Variants in WDR59 observed in about 807,000 individuals in gnomAD.
The protein encoded by WDR59 is GATOR2 complex protein WDR59.
A neutral mutation model predicts 131.2 loss-of-function variants in WDR59; 100 were observed. The observed-to-expected ratio is 0.76, with a 90% CI of 0.65 to 0.90. WDR59 has a LOEUF of 0.90. WDR59 is among the 40% of genes least tolerant of loss of function. The pLI is 0.00. For synonymous variants in WDR59, 601 were observed against 466.2 expected, an observed-to-expected ratio of 1.29 and a Z score of -3.72; for missense variants, 1,203 against 1,262.2, an observed-to-expected ratio of 0.95 and a Z score of 0.71.
At chr16:74,900,099 G>C (rs546057960) in intron 18 of WDR59, among the ~76,000 whole-genome samples, 1 of 152,222 alleles carries the variant, frequency 6.6e-6, no homozygotes, top group Non-Finnish European at 1.5e-5. Context: ...AGATCATTGT[G>C]CAAGTGGAGA....
chr16:74,887,676 T>C lies in WDR59; in HGVS notation c.2419+7A>G, dbSNP rs774980727. On this transcript the variant is annotated splice_region_variant and intron_variant, in intron 23 of 25. Coordinates refer to ENST00000262144, the MANE Select transcript of WDR59 (RefSeq NM_030581.4). Reference sequence around the variant, plus strand: ...TCCAGCGTGGGCTAAGTCATTTCCATACAAACCTATGTTCCAGCCGCCAGT... The same window carrying C: ...TCCAGCGTGGGCTAAGTCATTTCCACACAAACCTATGTTCCAGCCGCCAGT... The C allele has an allele frequency of 2.3e-5, 37 of 1,613,912 alleles. No individual in the cohort carries two copies. The highest frequency in any genetic ancestry group is 1.4e-5 in the Non-Finnish European group (16 of 1,179,950).
intron 8 of WDR59, among the ~76,000 whole-genome samples, chr16:74,936,518 G>T (rs1363578219): frequency 6.6e-6 from 1 of 151,748 alleles, no homozygotes; most frequent in Non-Finnish European, 1.5e-5. Context: ...AAGCTGATTG[G>T]GGTACAGGGA....
chr16:74,885,527 A>C (rs1964712225), intron 25 of WDR59, 126 bp downstream of exon 25: 1 of 1,228,176 alleles, frequency 8.1e-7, no homozygotes, highest in Non-Finnish European at 1.1e-6. Context: ...AATAGACTCA[A>C]AATGCCTCAG....
At chr16:74,919,102 C>T (rs964599757) in intron 10 of WDR59, among the ~76,000 whole-genome samples, 17 of 152,120 alleles carry the variant, frequency 1.1e-4, no homozygotes, top group African/African-American at 3.4e-4. Flanking sequence ...CTCAACCCCT[C>T]GACCTGTGCC....
chr16:74,926,911 G>A (rs62061361), intron 8 of WDR59, among the ~76,000 whole-genome samples: 1 of 152,188 alleles, frequency 6.6e-6, no homozygotes, highest in Admixed American at 6.5e-5. Context: ...AAGCTGGAAT[G>A]CAAGGGAGAG....
intron 1 of WDR59, among the ~76,000 whole-genome samples, chr16:74,981,391 A>T (rs1194984009): frequency 6.7e-6 from 1 of 148,484 alleles, no homozygotes; most frequent in African/African-American, 2.5e-5. Flanking sequence ...AAAAACAAAA[A>T]AAACACACAC....
chr16:74,909,019 C>A, intron 16 of WDR59, 42 bp from the exon 17 acceptor site: 2 of 1,574,268 alleles, frequency 1.3e-6, no homozygotes, highest in Non-Finnish European at 1.7e-6. Flanking sequence ...TGTCAACAAG[C>A]TGGCCGTGGG....
At chr16:74,962,245 T>C (rs529872251) in intron 2 of WDR59, among the ~76,000 whole-genome samples, 78 of 152,184 alleles carry the variant, frequency 5.1e-4, no homozygotes, top group Non-Finnish European at 1.9e-4. Context: ...TTTGTTATTT[T>C]TGTTTAGGAT....
intron 18 of WDR59, among the ~76,000 whole-genome samples, chr16:74,896,365 C>A (rs983845379): frequency 6.6e-6 from 1 of 152,206 alleles, no homozygotes; most frequent in Non-Finnish European, 1.5e-5. Context: ...TGCAGTGGCT[C>A]ACACCTGTAA....
At chr16:74,884,476 G>A (rs1964659910) in intron 25 of WDR59, among the ~76,000 whole-genome samples, 1 of 152,218 alleles carries the variant, frequency 6.6e-6, no homozygotes, top group Non-Finnish European at 1.5e-5. Flanking sequence ...AGCCTCCTGA[G>A]TAGCTGGGAT....
intron 25 of WDR59, among the ~76,000 whole-genome samples, chr16:74,875,267 C>A (rs1964157804): frequency 6.6e-6 from 1 of 152,202 alleles, no homozygotes; most frequent in Non-Finnish European, 1.5e-5. Context: ...ACTCTGCTGG[C>A]AATAGTCCCC....
Position 74,874,001 on chromosome 16 carries a change from T to C in WDR59, c.*208A>G. On this transcript the variant is annotated 3_prime_UTR_variant, in exon 26 of 26. Coordinates refer to ENST00000262144, the MANE Select transcript of WDR59 (RefSeq NM_030581.4). ...GCGCAGCTCTGCACTTCTGTCCTTA[T>C]CTTCACACAGTGACATCCACACCAG... The C allele has an allele frequency of 1.7e-6, 1 of 582,480 alleles. No homozygotes were observed. Among genetic ancestry groups the C allele is most frequent in the Admixed American group, 3.0e-5 (1 of 33,148 alleles). 36.1% of individuals were successfully genotyped at this position (582,480 alleles called of 1,614,324 possible).
intron 3 of WDR59, among the ~76,000 whole-genome samples, chr16:74,954,168 G>C (rs531384168): frequency 1.3e-5 from 2 of 152,268 alleles, no homozygotes; most frequent in African/African-American, 4.8e-5. Context: ...AAGCACTTTG[G>C]GAGGCTGAGG....
intron 17 of WDR59, 166 bp from the exon 18 acceptor site, chr16:74,904,266 C>T: frequency 1.3e-6 from 1 of 748,544 alleles, no homozygotes; most frequent in Non-Finnish European, 2.1e-6. Context: ...GCTTTATCTG[C>T]ACAAGCATAG....
intron 14 of WDR59, among the ~76,000 whole-genome samples, chr16:74,910,440 G>C (rs762067625): frequency 2.0e-5 from 3 of 152,124 alleles, no homozygotes; most frequent in African/African-American, 4.8e-5. Context: ...CTTAATCAAG[G>C]CAGCACACGT....
At chr16:74,905,627 A>C (rs950415147) in intron 17 of WDR59, among the ~76,000 whole-genome samples, 87 of 151,950 alleles carry the variant, frequency 5.7e-4, no homozygotes, top group Admixed American at 2.9e-3. Flanking sequence ...GCTTGCAGTG[A>C]GCCAAGATTG....
chr16:74,878,985 C>G (rs530765337), intron 25 of WDR59, among the ~76,000 whole-genome samples: 1 of 152,310 alleles, frequency 6.6e-6, no homozygotes, highest in Admixed American at 6.5e-5. Context: ...AAAATAAAGC[C>G]TCTTTAGGCA....
At chr16:74,936,914 T>C (rs1320225813) in intron 8 of WDR59, among the ~76,000 whole-genome samples, 4 of 152,126 alleles carry the variant, frequency 2.6e-5, no homozygotes, top group Admixed American at 2.0e-4. Flanking sequence ...AAAAATAACT[T>C]ACAACCCTAA....
Position 74,915,877 on chromosome 16 carries a change from T to G in WDR59, c.1217A>C (p.Asn406Thr), listed in dbSNP as rs533919592. ...SLINVQIRNV[N>T]VEMDAADRSC... ...GTTGATTAAACTAAGTACCTCCACA[T>G]TGACATTCCGGATTTGCACATTGAT... Residue 406 changes from asparagine to threonine, a missense_variant, in exon 13 of 26, where the codon AAT (asparagine) becomes ACT (threonine). Physicochemically the swap from Asn to Thr is moderately conservative, Grantham distance 65 (BLOSUM62 0). Transcript: ENST00000262144. 2.0e-5 allele frequency: 33 copies of G among 1,614,104 alleles called. No individual in the cohort carries two copies. Among genetic ancestry groups the G allele is most frequent in the Non-Finnish European group, 2.8e-5 (33 of 1,180,042 alleles).
Sources: gnomAD v4.1 joint callset for allele counts (sites outside exome capture counted in the v4.1 genomes callset) on GRCh38, gnomAD v4.1.1 for gene constraint, MANE v1.5 for transcripts, NCBI Gene and HGNC (gene_info 2026-07-23, HGNC 2026-07-21) for gene names.